Variants in NKAIN2 observed in about 807,000 individuals in gnomAD.
NKAIN2 encodes the protein sodium/potassium transporting ATPase interacting 2.
NKAIN2 carries 14 observed loss-of-function variants against 32.6 expected under a neutral mutation model. The observed-to-expected ratio is 0.43, with a 90% confidence interval of 0.28 to 0.67. NKAIN2 has a LOEUF of 0.67. Among genes scored for constraint, NKAIN2 ranks in the 30% least tolerant of loss-of-function variants. NKAIN2 has a pLI of 0.17. For synonymous variants in NKAIN2, 80 were observed against 87.2 expected, an observed-to-expected ratio of 0.92 and a Z score of 0.46; for missense variants, 198 against 258.3, an observed-to-expected ratio of 0.77 and a Z score of 1.60.
chr6:124,511,402 T>C (rs959232231), intron 3 of NKAIN2, among the ~76,000 whole-genome samples: 1 of 152,138 alleles, frequency 6.6e-6, no homozygotes, highest in Non-Finnish European at 1.5e-5. Flanking sequence ...GGAGAAGAAA[T>C]CATAGGTCAC....
intron 1 of NKAIN2, among the ~76,000 whole-genome samples, chr6:124,180,067 A>T (rs1025035565): frequency 2.6e-5 from 4 of 152,082 alleles, no homozygotes; most frequent in Non-Finnish European, 5.9e-5. Flanking sequence ...GGGTAAATAG[A>T]TTACAGGTAG....
intron 3 of NKAIN2, among the ~76,000 whole-genome samples, chr6:124,528,885 T>G (rs1779417050): frequency 6.6e-6 from 1 of 152,168 alleles, no homozygotes; most frequent in African/African-American, 2.4e-5. Flanking sequence ...GATTGCATAC[T>G]CTTAGAATTT....
At chr6:124,802,265 G>A (rs1780294920) in intron 5 of NKAIN2, among the ~76,000 whole-genome samples, 2 of 152,112 alleles carry the variant, frequency 1.3e-5, no homozygotes, top group South Asian at 4.1e-4. Flanking sequence ...ATTTAAATGG[G>A]CTGTTGATTC....
intron 1 of NKAIN2, among the ~76,000 whole-genome samples, chr6:124,083,015 T>TA: frequency 6.6e-6 from 1 of 152,000 alleles, no homozygotes. Context: ...TTTCAATATT[T>TA]AAAAATCTAG....
At chr6:124,514,422 T>C (rs1201504102) in intron 3 of NKAIN2, among the ~76,000 whole-genome samples, 2 of 152,174 alleles carry the variant, frequency 1.3e-5, no homozygotes, top group East Asian at 3.9e-4. Flanking sequence ...CGTTTACAAT[T>C]AAAGCATCTG....
chr6:124,117,087 C>T (rs1286756120), intron 1 of NKAIN2, among the ~76,000 whole-genome samples: 2 of 151,622 alleles, frequency 1.3e-5, no homozygotes, highest in Non-Finnish European at 2.9e-5. Context: ...TGCCTTCCCA[C>T]CAAGAAAGGC....
intron 1 of NKAIN2, among the ~76,000 whole-genome samples, chr6:123,905,275 G>T (rs1271503105): frequency 1.3e-5 from 2 of 152,014 alleles, no homozygotes; most frequent in Non-Finnish European, 2.9e-5. Context: ...GTGCTTTGGG[G>T]TTGACATAGA....
rs530449517 is a variant in NKAIN2 at position 124,311,519 on chromosome 6, C to G, written c.192+28377C>G. Among the ~76,000 whole-genome samples the G allele has an allele frequency of 5.3e-5, 8 of 152,128 alleles. No homozygotes were observed. The South Asian group carries it at 1.7e-3, about 32-fold the overall frequency. ...GGAAAAATCATAGATTTGCTTTTCA[C>G]GTTTTAAAAATAGGAAATTTCAAAT... On this transcript the variant is annotated intron_variant, in intron 2 of 6. Coordinates refer to ENST00000368417, the MANE Select transcript of NKAIN2 (RefSeq NM_001040214.3).
intron 3 of NKAIN2, among the ~76,000 whole-genome samples, chr6:124,418,567 T>C (rs1457160557): frequency 6.8e-6 from 1 of 148,066 alleles, no homozygotes; most frequent in African/African-American, 2.5e-5. Flanking sequence ...ATAAAATATA[T>C]ATATAATATC....
chr6:124,011,949 G>T (rs576754534), intron 1 of NKAIN2, among the ~76,000 whole-genome samples: 11 of 152,216 alleles, frequency 7.2e-5, no homozygotes, highest in African/African-American at 2.4e-4. Flanking sequence ...ATTCAAATCT[G>T]CAATAAGTCA....
intron 5 of NKAIN2, among the ~76,000 whole-genome samples, chr6:124,807,631 A>T (rs1268453425): frequency 6.8e-6 from 1 of 147,990 alleles, no homozygotes; most frequent in Non-Finnish European, 1.5e-5. Context: ...GCAAGAAATA[A>T]CTAAAATCAG....
intron 4 of NKAIN2, among the ~76,000 whole-genome samples, chr6:124,665,524 G>A (rs1377179037): frequency 2.0e-5 from 3 of 152,186 alleles, no homozygotes; most frequent in Admixed American, 6.5e-5. Context: ...GCTGAGAATA[G>A]GAATTTCCTA....
intron 1 of NKAIN2, among the ~76,000 whole-genome samples, chr6:124,165,206 A>G (rs1325670819): frequency 1.3e-5 from 2 of 152,100 alleles, no homozygotes; most frequent in Non-Finnish European, 2.9e-5. Context: ...ATTTTGAAAT[A>G]TGTGAATATG....
chr6:123,880,361 A>G (rs372459063), intron 1 of NKAIN2, among the ~76,000 whole-genome samples: 1 of 152,326 alleles, frequency 6.6e-6, no homozygotes, highest in East Asian at 1.9e-4. Flanking sequence ...TGCCAAAGCT[A>G]CATAAAATTA....
chr6:124,750,538 TG>T (rs1319033577), intron 4 of NKAIN2, among the ~76,000 whole-genome samples: 5 of 151,350 alleles, frequency 3.3e-5, no homozygotes, highest in African/African-American at 1.2e-4. Flanking sequence ...GATGGATGGA[TG>T]GATGGATATG....
chr6:124,139,486 C>A (rs1218482328), intron 1 of NKAIN2, among the ~76,000 whole-genome samples: 1 of 152,198 alleles, frequency 6.6e-6, no homozygotes, highest in African/African-American at 2.4e-5. Context: ...AAACATCTTT[C>A]TAAAAGCTAG....
Position 124,457,255 on chromosome 6 carries a change from T to C in NKAIN2, c.273+101908T>C, listed in dbSNP as rs895124457. Among the ~76,000 whole-genome samples the C allele has an allele frequency of 1.1e-4, 17 of 152,062 alleles. No individual in the cohort carries two copies. The East Asian group carries it at 3.3e-3, about 29-fold the overall frequency. ...TCCTTCCTGAGAAGCTGAGAATCAATCCCCTTGTCATTTCTCAAATTCTTC... is the reference window on the plus strand; with the variant it reads ...TCCTTCCTGAGAAGCTGAGAATCAACCCCCTTGTCATTTCTCAAATTCTTC... On this transcript the variant is annotated intron_variant, in intron 3 of 6. Transcript: ENST00000368417.
chr6:124,598,456 A>G (rs1350588041), intron 3 of NKAIN2, among the ~76,000 whole-genome samples: 2 of 152,242 alleles, frequency 1.3e-5, no homozygotes, highest in Non-Finnish European at 2.9e-5. Context: ...ATACTGTGAT[A>G]TATGGTTCTT....
chr6:124,401,137 TTTTA>T (rs1341784793), intron 3 of NKAIN2, among the ~76,000 whole-genome samples: 2 of 152,310 alleles, frequency 1.3e-5, no homozygotes, highest in Non-Finnish European at 2.9e-5. Flanking sequence ...GAGATAGTGC[TTTTA>T]TTTATTATTA....
Sources: allele counts gnomAD v4.1 joint callset (sites outside exome capture counted in the v4.1 genomes callset), GRCh38; gene constraint gnomAD v4.1.1; transcripts MANE v1.5; gene names NCBI Gene and HGNC (gene_info 2026-07-23, HGNC 2026-07-21).